Variants in PATL2 observed in about 807,000 individuals in gnomAD.
The protein encoded by PATL2 is protein PAT1 homolog 2.
PATL2 carries 73 observed loss-of-function variants against 77.0 expected under a neutral mutation model. That is an observed-to-expected ratio of 0.95 (90% CI 0.78 to 1.15). The LOEUF is 1.15. PATL2 is among the 50% of genes most tolerant of loss of function. PATL2 has a pLI of 0.00. For synonymous variants in PATL2, 265 were observed against 257.1 expected (o/e 1.03, Z -0.29); for missense variants, 618 against 655.4 (o/e 0.94, Z 0.62).
At chr15:44,667,278 T>G in intron 15 of PATL2, 75 bp from the exon 16 acceptor site, 1 of 1,060,604 alleles carries the variant, frequency 9.4e-7, no homozygotes, top group Non-Finnish European at 1.4e-6. Context: ...GACTCTTATC[T>G]TCCCAACTAA....
chr15:44,708,172 T>C (rs1268697685), intron 3 of PATL2, among the ~76,000 whole-genome samples: 2 of 152,240 alleles, frequency 1.3e-5, no homozygotes, highest in Non-Finnish European at 2.9e-5. Context: ...CTTTCAGTGA[T>C]ACGAAGTTAA....
chr15:44,674,294 T>A, intron 5 of PATL2, 64 bp from the exon 6 acceptor site: 1 of 1,276,068 alleles, frequency 7.8e-7, no homozygotes, highest in Admixed American at 2.5e-5. Flanking sequence ...TGCATTCACC[T>A]GTGTTTTTGA....
At chr15:44,674,499 T>C (rs2085851855) in intron 5 of PATL2, 1 of 388,422 alleles carries the variant, frequency 2.6e-6, no homozygotes, top group Non-Finnish European at 4.7e-6. Context: ...TAGAACTGGA[T>C]AGTACTAAAC....
At chr15:44,701,851 G>A (rs1332725343) in intron 3 of PATL2, among the ~76,000 whole-genome samples, 2 of 152,038 alleles carry the variant, frequency 1.3e-5, no homozygotes, top group Non-Finnish European at 2.9e-5. Flanking sequence ...TTTACTCATC[G>A]CAGAAGGGTG....
At chr15:44,677,843 C>T (rs1479900420) in intron 3 of PATL2, among the ~76,000 whole-genome samples, 2 of 151,988 alleles carry the variant, frequency 1.3e-5, no homozygotes, top group Admixed American at 6.6e-5. Flanking sequence ...TACTGAAAAA[C>T]TTCTCATATA....
At chr15:44,675,867 C>T (rs1011236013) in intron 4 of PATL2, 176 bp from the exon 5 acceptor site, 6 of 596,100 alleles carry the variant, frequency 1.0e-5, no homozygotes, top group African/African-American at 3.7e-5. Flanking sequence ...CAAGGTGCCC[C>T]GAACCATCCC....
intron 3 of PATL2, among the ~76,000 whole-genome samples, chr15:44,691,969 A>G (rs2141247553): frequency 6.6e-6 from 1 of 152,344 alleles, no homozygotes; most frequent in Admixed American, 6.5e-5. Flanking sequence ...CTGAATTATA[A>G]TAGGGAAAAA....
intron 3 of PATL2, among the ~76,000 whole-genome samples, chr15:44,691,830 A>C (rs747405672): frequency 7.9e-5 from 12 of 152,168 alleles, no homozygotes; most frequent in Non-Finnish European, 1.3e-4. Flanking sequence ...TACAAAGTAA[A>C]ACAAGGAGAT....
rs556206832 is a variant in PATL2 at position 44,682,440 on chromosome 15, C to T, written c.-75-5875G>A. On this transcript the variant is annotated intron_variant, in intron 3 of 17. Coordinates refer to ENST00000682850, the MANE Select transcript of PATL2 (RefSeq NM_001387263.1). ...CCCACTTGCAAGCAGAGATGTTCCT[C>T]ATCTCTGTGCCCCTGGCACTTAACA... 2.0e-5 allele frequency among the ~76,000 whole-genome samples: 3 copies of T among 152,328 alleles called. No individual in the cohort carries two copies. In the South Asian group the frequency reaches 6.2e-4, roughly 32 times the overall value.
In PATL2 at chr15:44,674,481, G is replaced by A. The variant is rs147939895; in HGVS notation, c.223-251C>T. On this transcript the variant is annotated intron_variant, in intron 5 of 17. Transcript: ENST00000682850. ...GACATATATGTTCCGAGACCCCCAA[G>A]GGATGCCTAGAACTGGATAGTACTA... is the stretch of plus-strand genomic sequence containing the variant. 169 of 432,910 alleles carry A rather than the reference G, an allele frequency of 3.9e-4. 1 individual carries two copies. The highest frequency in any genetic ancestry group is 2.8e-3 in the African/African-American group (141 of 50,454). 26.8% of individuals were successfully genotyped at this position (432,910 alleles called of 1,614,324 possible).
chr15:44,676,212 G>A, intron 4 of PATL2: 1 of 491,334 alleles, frequency 2.0e-6, no homozygotes, highest in South Asian at 2.1e-5. Context: ...ACCCTACTGT[G>A]TGCCATATAC....
chr15:44,683,675 G>A (rs935127437), intron 3 of PATL2, among the ~76,000 whole-genome samples: 4 of 152,222 alleles, frequency 2.6e-5, no homozygotes, highest in Admixed American at 6.5e-5. Context: ...AGCTTCAGCA[G>A]ACTTAAACAT....
chr15:44,690,755 A>G (rs894458739), intron 3 of PATL2, among the ~76,000 whole-genome samples: 1 of 152,126 alleles, frequency 6.6e-6, no homozygotes, highest in Non-Finnish European at 1.5e-5. Context: ...ATTTATGTTA[A>G]GCTCAGATCT....
chr15:44,676,635 C>T, intron 3 of PATL2, 70 bp from the exon 4 acceptor site: 1 of 1,379,868 alleles, frequency 7.2e-7, no homozygotes, highest in Non-Finnish European at 1.0e-6. Context: ...CTAAAACAGC[C>T]ATGGAATCCT....
intron 3 of PATL2, among the ~76,000 whole-genome samples, chr15:44,702,303 C>A (rs892234724): frequency 6.6e-6 from 1 of 151,928 alleles, no homozygotes; most frequent in Non-Finnish European, 1.5e-5. Flanking sequence ...CTCTAATGAT[C>A]GTTTGAATTT....
At chr15:44,676,845 T>C (rs2141216005) in intron 3 of PATL2, 1 of 1,113,934 alleles carries the variant, frequency 9.0e-7, no homozygotes, top group Non-Finnish European at 1.1e-6. Flanking sequence ...AGTGTGGTGA[T>C]GCCTTGCTGC....
chr15:44,699,426 C>T (rs1230983650), intron 3 of PATL2, among the ~76,000 whole-genome samples: 10 of 152,198 alleles, frequency 6.6e-5, no homozygotes, highest in Non-Finnish European at 2.9e-5. Context: ...ACAACCTCCA[C>T]CTCCTAGCTT....
At position 44,672,411 on chromosome 15, in the gene PATL2, C is replaced by G. The variant is rs763066949; in HGVS notation, c.492G>C (p.Gln164His). 3.2e-6 allele frequency: 5 copies of G among 1,551,720 alleles called. No homozygotes were observed. Among genetic ancestry groups the G allele is most frequent in the Non-Finnish European group, 3.5e-6 (4 of 1,146,998 alleles). ...LHPRHQRILQ[Q>H]QQHSQTPSPP... ...ACCTTGGTGTTTGACTATGCTGCTG[C>G]TGCTGCAAGATTCGTTGGTGCCGAG... The change falls in exon 8 of 18, where the codon CAG (glutamine) becomes CAC (histidine). Residue 164 changes from glutamine (Q) to histidine (H), a missense_variant. Coordinates refer to ENST00000682850, the MANE Select transcript of PATL2 (RefSeq NM_001387263.1).
In PATL2 at chr15:44,665,837, A is replaced by G; in HGVS notation, c.*116T>C. 1 of 1,539,030 alleles carries G rather than the reference A, an allele frequency of 6.5e-7. No homozygotes were observed. Among genetic ancestry groups the G allele is most frequent in the South Asian group, 1.2e-5 (1 of 82,074 alleles). On this transcript the variant is annotated 3_prime_UTR_variant, in exon 18 of 18. Coordinates refer to ENST00000682850, the MANE Select transcript of PATL2 (RefSeq NM_001387263.1). ...ATATGAAAATGGGGAAGGGTTCTCC[A>G]ATATATAAAGGCATAAGAAATGTCT...
Sources: gnomAD v4.1 joint callset for allele counts (sites outside exome capture counted in the v4.1 genomes callset) on GRCh38, gnomAD v4.1.1 for gene constraint, MANE v1.5 for transcripts, NCBI Gene and HGNC (gene_info 2026-07-23, HGNC 2026-07-21) for gene names.